ROR1: variants seen among roughly 807,000 people sequenced by gnomAD.
The protein encoded by ROR1 is ROR family WNT receptor 1.
ROR1 carries 19 observed loss-of-function variants against 78.8 expected under a neutral mutation model. That is an observed-to-expected ratio of 0.24 (90% CI 0.17 to 0.35). The LOEUF (loss-of-function observed/expected upper bound fraction) is 0.35. ROR1 is among the 10% of genes least tolerant of loss of function. The pLI, the probability that ROR1 is intolerant of heterozygous loss-of-function variation, is 1.00. For synonymous variants in ROR1, 386 were observed against 433.6 expected (o/e 0.89, Z 1.36); for missense variants, 917 against 1,177.8 (o/e 0.78, Z 3.24).
chr1:64,054,300 C>G (rs1303692589), intron 4 of ROR1, among the ~76,000 whole-genome samples: 1 of 151,346 alleles, frequency 6.6e-6, no homozygotes, highest in East Asian at 1.9e-4. Flanking sequence ...TTTTTTTGGA[C>G]AGGTTCTGGC....
chr1:64,166,662 G>C (rs558711594), intron 8 of ROR1, among the ~76,000 whole-genome samples: 10 of 152,338 alleles, frequency 6.6e-5, no homozygotes, highest in African/African-American at 2.4e-4. Flanking sequence ...GCAATGCACA[G>C]CATTAACTGG....
At chr1:63,834,170 T>C (rs1569789347) in intron 1 of ROR1, among the ~76,000 whole-genome samples, 1 of 147,276 alleles carries the variant, frequency 6.8e-6, no homozygotes, top group East Asian at 2.0e-4. Flanking sequence ...TCGGTGGAGC[T>C]GAGATGGAGA....
intron 1 of ROR1, among the ~76,000 whole-genome samples, chr1:63,804,441 T>A (rs1412113593): frequency 6.6e-6 from 1 of 152,158 alleles, no homozygotes; most frequent in Non-Finnish European, 1.5e-5. Flanking sequence ...TTTTGTAACT[T>A]CCTCTCAATC....
chr1:63,812,419 G>T (rs1569754021), intron 1 of ROR1, among the ~76,000 whole-genome samples: 1 of 152,272 alleles, frequency 6.6e-6, no homozygotes, highest in East Asian at 1.9e-4. Context: ...TTACTAGCTA[G>T]CCCTTTACAG....
intron 4 of ROR1, among the ~76,000 whole-genome samples, chr1:64,063,432 A>G (rs1371373379): frequency 6.6e-6 from 1 of 152,206 alleles, no homozygotes; most frequent in African/African-American, 2.4e-5. Flanking sequence ...CCAGTGAATC[A>G]TAATGTGGGA....
intron 4 of ROR1, among the ~76,000 whole-genome samples, chr1:64,063,068 G>A (rs1646929676): frequency 1.3e-5 from 2 of 152,164 alleles, no homozygotes; most frequent in African/African-American, 4.8e-5. Context: ...CAAAGATATG[G>A]TTAGACCCAG....
intron 1 of ROR1, among the ~76,000 whole-genome samples, chr1:63,931,367 G>A (rs986731656): frequency 1.3e-5 from 2 of 151,866 alleles, no homozygotes; most frequent in African/African-American, 4.8e-5. Flanking sequence ...AGAGGTGTAC[G>A]TAGCTCTGAG....
chr1:64,158,740 G>A (rs1236332557), intron 7 of ROR1, among the ~76,000 whole-genome samples: 1 of 152,178 alleles, frequency 6.6e-6, no homozygotes, highest in East Asian at 1.9e-4. Context: ...CACGTACAAA[G>A]TCTTCATAAT....
At chr1:63,981,420 G>A (rs932182139) in intron 1 of ROR1, among the ~76,000 whole-genome samples, 1 of 152,150 alleles carries the variant, frequency 6.6e-6, no homozygotes, top group Non-Finnish European at 1.5e-5. Flanking sequence ...GTGGGGCTAA[G>A]TGGAATGTCC....
At chr1:63,978,989 G>A (rs1646186025) in intron 1 of ROR1, among the ~76,000 whole-genome samples, 1 of 152,184 alleles carries the variant, frequency 6.6e-6, no homozygotes, top group Non-Finnish European at 1.5e-5. Flanking sequence ...AAGGCCATCT[G>A]CTGGAGTAAT....
intron 1 of ROR1, among the ~76,000 whole-genome samples, chr1:63,893,278 G>A (rs1197568480): frequency 6.6e-6 from 1 of 152,136 alleles, no homozygotes; most frequent in African/African-American, 2.4e-5. Flanking sequence ...TGATGTCAGA[G>A]GCTTGCTGCT....
intron 1 of ROR1, among the ~76,000 whole-genome samples, chr1:63,812,893 C>G (rs921583684): frequency 1.3e-5 from 2 of 152,094 alleles, no homozygotes. Context: ...GCTGAGGTCA[C>G]AGAGCTGGTA....
chr1:64,174,643 A>T (rs1440156053), intron 8 of ROR1, among the ~76,000 whole-genome samples: 2 of 152,152 alleles, frequency 1.3e-5, no homozygotes, highest in Non-Finnish European at 2.9e-5. Context: ...TAGAGATCTT[A>T]TTTTTGTCAA....
chr1:64,005,934 A>G (rs577243000), intron 1 of ROR1, among the ~76,000 whole-genome samples: 64 of 152,314 alleles, frequency 4.2e-4, no homozygotes, highest in Non-Finnish European at 7.6e-4. Flanking sequence ...CAGAATCAGC[A>G]CAATCACTTA....
chr1:64,171,688 C>T (rs560234974), intron 8 of ROR1, among the ~76,000 whole-genome samples: 4 of 152,320 alleles, frequency 2.6e-5, no homozygotes, highest in East Asian at 1.9e-4. Flanking sequence ...CCTGTTTCAG[C>T]ACCTACTGTT....
intron 1 of ROR1, among the ~76,000 whole-genome samples, chr1:63,849,190 C>T (rs756963837): frequency 4.6e-5 from 7 of 152,096 alleles, no homozygotes; most frequent in Admixed American, 2.0e-4. Context: ...CATGGGCCCA[C>T]GTTTAGAAGT....
chr1:63,893,703 T>C (rs180912634), intron 1 of ROR1, among the ~76,000 whole-genome samples: 3 of 152,234 alleles, frequency 2.0e-5, no homozygotes, highest in African/African-American at 7.2e-5. Flanking sequence ...CAATTAATGG[T>C]ATCAAAAGTA....
At chr1:63,820,333 C>G (rs1345479210) in intron 1 of ROR1, among the ~76,000 whole-genome samples, 1 of 152,158 alleles carries the variant, frequency 6.6e-6, no homozygotes. Flanking sequence ...AATCTACCCC[C>G]CTGTACTGCT....
At chr1:63,825,400 A>G (rs1015400564) in intron 1 of ROR1, among the ~76,000 whole-genome samples, 12 of 152,228 alleles carry the variant, frequency 7.9e-5, no homozygotes, top group African/African-American at 2.2e-4. Context: ...CAAAAACATT[A>G]TGCTAAGTGA....
Sources: gnomAD v4.1 joint callset for allele counts (sites outside exome capture counted in the v4.1 genomes callset) on GRCh38, gnomAD v4.1.1 for gene constraint, MANE v1.5 for transcripts, NCBI Gene and HGNC (gene_info 2026-07-23, HGNC 2026-07-21) for gene names.